The following PALM2AKAP2 variants were observed in gnomAD, a reference collection of about 807,000 sequenced individuals.
PALM2AKAP2 encodes the protein PALM2-AKAP2 fusion protein.
In PALM2AKAP2, 37 loss-of-function variants were observed where a neutral mutation model predicts 71.5. The observed-to-expected ratio is 0.52, with a 90% CI of 0.40 to 0.68. The LOEUF is 0.68. Ranked by LOEUF, PALM2AKAP2 falls within the 30% of genes least tolerant of loss-of-function variation. The pLI, the probability that PALM2AKAP2 is intolerant of heterozygous loss-of-function variation, is 0.00. For synonymous variants in PALM2AKAP2, 468 were observed against 478.8 expected (o/e 0.98, Z 0.29); for missense variants, 1,224 against 1,191.8 (o/e 1.03, Z -0.40).
At chr9:110,168,042 T>C (rs1056172950) in intron 3 of PALM2AKAP2, among the ~76,000 whole-genome samples, 2 of 152,226 alleles carry the variant, frequency 1.3e-5, no homozygotes, top group Non-Finnish European at 2.9e-5. Context: ...TTTTCATCAT[T>C]GCATAAAGTT....
At position 109,782,267 on chromosome 9, in the gene PALM2AKAP2, A is replaced by C. The variant is rs574350443; in HGVS notation, c.45+1734A>C. ...TTCTCTTGAGCATATAAGAATACAC[A>C]CAAATACTCACTTGTGCCTCTTCAG... On this transcript the variant is annotated intron_variant, in intron 1 of 9. Transcript: ENST00000302798. Among the ~76,000 whole-genome samples, 834 of 152,320 alleles carry C rather than the reference A, an allele frequency of 5.5e-3. 3 individuals are homozygous for C. The highest frequency in any genetic ancestry group is 1.0e-2 in the Non-Finnish European group (677 of 68,032).
chr9:109,703,599 T>C (rs1398645910), intron 1 of PALM2AKAP2, among the ~76,000 whole-genome samples: 1 of 152,144 alleles, frequency 6.6e-6, no homozygotes, highest in African/African-American at 2.4e-5. Flanking sequence ...AATCATCTTG[T>C]CAACTTTAAT....
intron 1 of PALM2AKAP2, among the ~76,000 whole-genome samples, chr9:110,069,513 CCCTT>C (rs1229930221): frequency 6.6e-6 from 1 of 152,058 alleles, no homozygotes; most frequent in Non-Finnish European, 1.5e-5. Context: ...TTAATTGAAA[CCCTT>C]CCATATTCTT....
At chr9:110,036,798 T>A (rs1833418974) in intron 7 of PALM2AKAP2, among the ~76,000 whole-genome samples, 1 of 152,092 alleles carries the variant, frequency 6.6e-6, no homozygotes, top group Non-Finnish European at 1.5e-5. Context: ...CCAAACATGA[T>A]TGCTCAGTGT....
chr9:109,768,572 A>G (rs1163773726), intron 1 of PALM2AKAP2, among the ~76,000 whole-genome samples: 1 of 152,204 alleles, frequency 6.6e-6, no homozygotes, highest in Non-Finnish European at 1.5e-5. Flanking sequence ...TAATACTGCT[A>G]AATGTTCCTG....
Position 109,650,834 on chromosome 9 carries a change from A to G in PALM2AKAP2, c.5+9968A>G, listed in dbSNP as rs528974826. ...ACCATATCTTTGAGTTAATGAATCA[A>G]TGAATCTTGTGTTTCTACGAAAATA... On this transcript the variant is annotated intron_variant, in intron 1 of 6. Coordinates refer to the PALM2AKAP2 transcript ENST00000374531. Among the ~76,000 whole-genome samples, 15 of 152,344 alleles carry G rather than the reference A, an allele frequency of 9.8e-5. No homozygotes were observed. The South Asian group carries it at 3.1e-3, about 32-fold the overall frequency.
At chr9:109,867,380 C>T (rs1829480643) in intron 1 of PALM2AKAP2, 111 bp from the exon 2 acceptor site, 3 of 1,262,390 alleles carry the variant, frequency 2.4e-6, no homozygotes, top group Non-Finnish European at 3.4e-6. Context: ...TGCCCGGTGT[C>T]TCTGGAAGTG....
chr9:109,889,475 C>T (rs1372374772), intron 3 of PALM2AKAP2, among the ~76,000 whole-genome samples: 2 of 152,210 alleles, frequency 1.3e-5, no homozygotes, highest in African/African-American at 4.8e-5. Context: ...ACAGAGGATC[C>T]TCCTTTGGGA....
chr9:109,658,539 A>T (rs1311762458), intron 1 of PALM2AKAP2, among the ~76,000 whole-genome samples: 2 of 152,208 alleles, frequency 1.3e-5, no homozygotes, highest in Non-Finnish European at 2.9e-5. Flanking sequence ...GAAATAGAAG[A>T]AAGTTATTTT....
At position 109,971,283 on chromosome 9, in the gene PALM2AKAP2, CTTTTTTTTTTTT is replaced by C. The variant is rs11392589; in HGVS notation, c.496+39275_496+39286del. Among the ~76,000 whole-genome samples the C allele has an allele frequency of 8.9e-3, 405 of 45,694 alleles. 4 individuals are homozygous for C. The highest frequency in any genetic ancestry group is 0.025 in the South Asian group (29 of 1,172). The allele number at this position is 45,694 out of a possible 152,430, so 30.0% of individuals were successfully genotyped here. A position where few individuals can be genotyped will look rare whatever the true frequency, so the allele number is the denominator to read the frequency against. ...TCCATGTTTATCCCACTCTTAGTCC[CTTTTTTTTTTTT>C]TTTTTTTTTTTTTTTTTTTACAGAG... On this transcript the variant is annotated intron_variant, in intron 6 of 9. Transcript: ENST00000302798.
chr9:109,719,848 A>T (rs1828379628), intron 1 of PALM2AKAP2, among the ~76,000 whole-genome samples: 1 of 152,214 alleles, frequency 6.6e-6, no homozygotes, highest in Non-Finnish European at 1.5e-5. Flanking sequence ...CTTAGGTAAC[A>T]ACTTATAACC....
intron 1 of PALM2AKAP2, among the ~76,000 whole-genome samples, chr9:109,834,842 CT>C (rs1828412137): frequency 6.6e-6 from 1 of 152,340 alleles, no homozygotes; most frequent in African/African-American, 2.4e-5. Context: ...AATCCCAAGT[CT>C]AGAGCCTGGA....
intron 1 of PALM2AKAP2, among the ~76,000 whole-genome samples, chr9:109,712,987 A>G (rs958451022): frequency 6.6e-5 from 10 of 152,236 alleles, no homozygotes; most frequent in African/African-American, 2.4e-4. Flanking sequence ...TGGGCCACAC[A>G]GTCCAGATGA....
In PALM2AKAP2 at chr9:110,136,384, T is replaced by G. The variant is rs777665117; in HGVS notation, c.414T>G (p.Val138=). ...ACCACGAATCCCTGGATAATGATGT[T>G]GCCAGAGAGATCCGCTATCTAGATG... The change falls in exon 2 of 4, where the codon GTT becomes GTG. Residue 138 remains valine, a synonymous_variant. Transcript: ENST00000374525. 5.6e-6 allele frequency: 9 copies of G among 1,614,222 alleles called. No homozygotes were observed. The South Asian group carries it at 8.8e-5, about 16-fold the overall frequency.
chr9:109,665,486 G>A (rs751128933), intron 1 of PALM2AKAP2, among the ~76,000 whole-genome samples: 5 of 152,144 alleles, frequency 3.3e-5, no homozygotes, highest in South Asian at 2.1e-4. Flanking sequence ...GTTGCACTCC[G>A]GACACTGTTT....
intron 3 of PALM2AKAP2, among the ~76,000 whole-genome samples, chr9:109,895,479 G>A (rs1296131901): frequency 3.3e-5 from 5 of 152,246 alleles, no homozygotes; most frequent in African/African-American, 1.2e-4. Context: ...TGTCAGGCTA[G>A]AAGAGGCAGC....
intron 1 of PALM2AKAP2, among the ~76,000 whole-genome samples, chr9:109,672,730 G>A (rs1294034871): frequency 1.3e-5 from 2 of 152,060 alleles, no homozygotes; most frequent in South Asian, 2.1e-4. Flanking sequence ...GAATCCTTCT[G>A]GTCCTGGGCT....
chr9:110,115,188 G>A (rs1457072242), intron 1 of PALM2AKAP2, among the ~76,000 whole-genome samples: 1 of 152,212 alleles, frequency 6.6e-6, no homozygotes, highest in Non-Finnish European at 1.5e-5. Flanking sequence ...TGGTCCAGCA[G>A]TGCTGGTCCA....
Position 109,931,910 on chromosome 9 carries a change from C to T in PALM2AKAP2, c.395-17C>T, listed in dbSNP as rs969266131. The T allele has an allele frequency of 6.2e-7, 1 of 1,612,706 alleles. No homozygotes were observed. Among genetic ancestry groups the T allele is most frequent in the African/African-American group, 1.3e-5 (1 of 74,932 alleles). On this transcript the variant is annotated splice_polypyrimidine_tract_variant and intron_variant, in intron 5 of 9. Transcript: ENST00000302798. ...CCAACACTGTGACTAATTGTATTCCCTGTTCTCTGCTACCAGATGCAGTAA... is the reference window on the plus strand; with the variant it reads ...CCAACACTGTGACTAATTGTATTCCTTGTTCTCTGCTACCAGATGCAGTAA...
Sources: allele counts gnomAD v4.1 joint callset (sites outside exome capture counted in the v4.1 genomes callset), GRCh38; gene constraint gnomAD v4.1.1; transcripts MANE v1.5; gene names NCBI Gene and HGNC (gene_info 2026-07-23, HGNC 2026-07-21).